ANTXR1: variants seen among roughly 807,000 people sequenced by gnomAD.
The protein encoded by ANTXR1 is anthrax toxin receptor 1.
In ANTXR1, 19 loss-of-function variants were observed where a neutral mutation model predicts 78.1. The observed-to-expected ratio is 0.24, with a 90% CI of 0.17 to 0.36. The LOEUF is 0.36. Among genes scored for constraint, ANTXR1 ranks in the 10% least tolerant of loss-of-function variants. The pLI, the probability that ANTXR1 is intolerant of heterozygous loss-of-function variation, is 1.00. For missense variants in ANTXR1, 518 were observed against 718.6 expected (o/e 0.72, Z 3.19); for synonymous variants, 273 against 260.5 (o/e 1.05, Z -0.46).
At chr2:69,077,320 AG>A in intron 7 of ANTXR1, 87 bp from the exon 8 acceptor site, 7 of 1,384,150 alleles carry the variant, frequency 5.1e-6, no homozygotes, top group Non-Finnish European at 7.2e-6. Context: ...ATATAACTAG[AG>A]CCCCTTAGCC....
intron 17 of ANTXR1, among the ~76,000 whole-genome samples, chr2:69,216,876 A>G (rs1410186983): frequency 1.3e-5 from 2 of 152,224 alleles, no homozygotes; most frequent in Admixed American, 6.5e-5. Flanking sequence ...AGAACAAGTG[A>G]CCATTGTCAT....
rs34296585 is a variant in ANTXR1, at chr2:69,182,980, T to TAAAAAA, written c.1353+331_1353+336dup. 9.1e-4 allele frequency: 191 copies of TAAAAAA among 209,090 alleles called. 3 individuals carry two copies. The highest frequency in any genetic ancestry group is 4.2e-3 in the Middle Eastern group (2 of 474). The allele number at this position is 209,090 out of a possible 1,614,324, so 13.0% of individuals were successfully genotyped here. A position where few individuals can be genotyped will look rare whatever the true frequency, so the allele number is the denominator to read the frequency against. On this transcript the variant is annotated intron_variant, in intron 16 of 17. Coordinates refer to ENST00000303714, the MANE Select transcript of ANTXR1 (RefSeq NM_032208.3). ...TGCAAATTCGTGAAGTGTTCCATAT[T>TAAAAAA]AAAAAAAAAAAAAAAATCACCATGG...
chr2:69,233,591 G>A (rs912798418), intron 17 of ANTXR1, among the ~76,000 whole-genome samples: 8 of 151,714 alleles, frequency 5.3e-5, no homozygotes, highest in African/African-American at 1.7e-4. Flanking sequence ...TCTATCAATA[G>A]GGTTATCTTA....
At chr2:69,095,980 C>T (rs961025223) in intron 9 of ANTXR1, among the ~76,000 whole-genome samples, 13 of 152,024 alleles carry the variant, frequency 8.6e-5, no homozygotes, top group Admixed American at 7.2e-4. Flanking sequence ...GAATTCCAGC[C>T]GGGCACGGTG....
chr2:69,102,807 C>T, intron 9 of ANTXR1, 35 bp from the exon 10 acceptor site: 1 of 1,589,002 alleles, frequency 6.3e-7, no homozygotes, highest in Non-Finnish European at 8.6e-7. Flanking sequence ...GGTTATTGGC[C>T]AAGTAACGAG....
intron 17 of ANTXR1, among the ~76,000 whole-genome samples, chr2:69,236,594 C>T (rs1344127433): frequency 1.3e-5 from 2 of 152,144 alleles, no homozygotes; most frequent in Non-Finnish European, 2.9e-5. Context: ...TTATCAAAAA[C>T]TGTTAAAATG....
intron 10 of ANTXR1, among the ~76,000 whole-genome samples, chr2:69,115,144 C>T (rs1469101743): frequency 6.6e-6 from 1 of 152,216 alleles, no homozygotes; most frequent in African/African-American, 2.4e-5. Context: ...AGCATTCCTC[C>T]CCCAGTTGCA....
At chr2:69,215,973 G>A (rs1002752013) in intron 17 of ANTXR1, among the ~76,000 whole-genome samples, 1 of 152,178 alleles carries the variant, frequency 6.6e-6, no homozygotes, top group Non-Finnish European at 1.5e-5. Context: ...TACAAGGAAT[G>A]TACAGGAACA....
At chr2:69,126,901 T>C (rs1672558570) in intron 12 of ANTXR1, among the ~76,000 whole-genome samples, 1 of 152,210 alleles carries the variant, frequency 6.6e-6, no homozygotes. Flanking sequence ...CACCTCATAA[T>C]ATATTCTGCA....
chr2:69,239,803 A>G (rs1675853744), intron 17 of ANTXR1, among the ~76,000 whole-genome samples: 2 of 152,174 alleles, frequency 1.3e-5, no homozygotes, highest in Admixed American at 6.5e-5. Flanking sequence ...CAGACCATCA[A>G]TGCCTGGAGT....
At chr2:69,244,195 G>T (rs947342847) in intron 17 of ANTXR1, among the ~76,000 whole-genome samples, 1 of 152,226 alleles carries the variant, frequency 6.6e-6, no homozygotes, top group African/African-American at 2.4e-5. Context: ...GCTACTTAAG[G>T]CTGGCTTTGG....
chr2:69,144,670 T>C (rs1277409071), intron 12 of ANTXR1, among the ~76,000 whole-genome samples: 2 of 152,222 alleles, frequency 1.3e-5, no homozygotes, highest in East Asian at 1.9e-4. Flanking sequence ...TATCTCTTCA[T>C]TGTGGCAGAA....
At chr2:69,126,166 T>C (rs1281617740) in intron 12 of ANTXR1, among the ~76,000 whole-genome samples, 1 of 152,226 alleles carries the variant, frequency 6.6e-6, no homozygotes, top group Non-Finnish European at 1.5e-5. Context: ...GTCCTCATGA[T>C]GGACAACAGT....
intron 3 of ANTXR1, among the ~76,000 whole-genome samples, chr2:69,049,105 G>A (rs956741002): frequency 6.6e-6 from 1 of 151,956 alleles, no homozygotes; most frequent in African/African-American, 2.4e-5. Flanking sequence ...ACTCTTGACT[G>A]GTGAACCTAT....
intron 17 of ANTXR1, 137 bp from the exon 18 acceptor site, chr2:69,245,088 C>A: frequency 2.1e-6 from 2 of 962,178 alleles, no homozygotes; most frequent in Non-Finnish European, 3.4e-6. Context: ...TCCTCAAGTT[C>A]TACTATGTGC....
At chr2:69,183,826 CAGAG>C (rs1027440588) in intron 16 of ANTXR1, among the ~76,000 whole-genome samples, 5 of 152,114 alleles carry the variant, frequency 3.3e-5, no homozygotes, top group African/African-American at 4.8e-5. Context: ...TGCCACTTGT[CAGAG>C]AGCACTGGAA....
chr2:69,092,609 C>T (rs964329928), intron 9 of ANTXR1, among the ~76,000 whole-genome samples: 2 of 152,186 alleles, frequency 1.3e-5, no homozygotes, highest in Non-Finnish European at 2.9e-5. Context: ...TACCTGACCA[C>T]ACAGATGGCA....
chr2:69,084,587 T>A lies in ANTXR1; in HGVS notation c.643-6272T>A, dbSNP rs1386163852. Among the ~76,000 whole-genome samples, 5 of 132,642 alleles carry A rather than the reference T, an allele frequency of 3.8e-5. No homozygotes were observed. In the Admixed American group the frequency reaches 4.6e-4, roughly 12 times the overall value. 87.0% of individuals were successfully genotyped at this position (132,642 alleles called of 152,430 possible). ...GTATAATATTCCATATTTGTATTTG[T>A]AAAGTTTTTTTTTTTTTTTTTTTTT... is the stretch of plus-strand genomic sequence containing the variant. On this transcript the variant is annotated intron_variant, in intron 8 of 17. Transcript: ENST00000303714.
chr2:69,179,524 CAAA>C (rs59914010), intron 14 of ANTXR1, among the ~76,000 whole-genome samples: 1 of 135,836 alleles, frequency 7.4e-6, no homozygotes. Context: ...ACCCTGTCTC[CAAA>C]AAAAAAAAAA....
Sources: allele counts gnomAD v4.1 joint callset (sites outside exome capture counted in the v4.1 genomes callset), GRCh38; gene constraint gnomAD v4.1.1; transcripts MANE v1.5; gene names NCBI Gene and HGNC (gene_info 2026-07-23, HGNC 2026-07-21).